The following MYO1H variants were observed in gnomAD, a reference collection of about 807,000 sequenced individuals.
MYO1H encodes myosin IH.
In MYO1H, 118 loss-of-function variants were observed where a neutral mutation model predicts 149.3. The ratio of observed to expected loss-of-function variants is 0.79; its 90% CI spans 0.68 to 0.92. MYO1H has a LOEUF of 0.92. Among genes scored for constraint, MYO1H ranks in the 40% least tolerant of loss-of-function variants. The pLI, the probability that MYO1H is intolerant of heterozygous loss-of-function variation, is 0.00. For missense variants in MYO1H, 1,212 were observed against 1,280.7 expected (o/e 0.95, Z 0.82); for synonymous variants, 447 against 465.2 (o/e 0.96, Z 0.50).
chr12:109,331,399 C>T, the MYO1H span, among the ~76,000 whole-genome samples: 1 of 151,442 alleles, frequency 6.6e-6, no homozygotes, highest in Non-Finnish European at 1.5e-5. Context: ...TGGGGACTTG[C>T]TTCCACTCAA....
At chr12:109,316,175 G>A in the MYO1H span, among the ~76,000 whole-genome samples, 1 of 144,486 alleles carries the variant, frequency 6.9e-6, no homozygotes, top group African/African-American at 2.5e-5. Context: ...TTGGGTGGGT[G>A]GGGGGGAGCT....
intron 1 of MYO1H, among the ~76,000 whole-genome samples, chr12:109,370,861 C>A (rs564598759): frequency 9.2e-5 from 14 of 152,276 alleles, no homozygotes; most frequent in African/African-American, 3.1e-4. Flanking sequence ...AAAAGACTTA[C>A]CCCTGAGAGG....
chr12:109,395,895 GTTTGT>G (rs1869875242), intron 3 of MYO1H, among the ~76,000 whole-genome samples: 1 of 145,814 alleles, frequency 6.9e-6, no homozygotes, highest in Admixed American at 7.3e-5. Flanking sequence ...TTTTTTGTTG[GTTTGT>G]TTTGTTGTTG....
intron 3 of MYO1H, among the ~76,000 whole-genome samples, chr12:109,395,001 G>C (rs966984299): frequency 6.6e-6 from 1 of 152,116 alleles, no homozygotes; most frequent in Non-Finnish European, 1.5e-5. Context: ...GGGCTCAAGC[G>C]ATCTGCCTGC....
intron 27 of MYO1H, among the ~76,000 whole-genome samples, chr12:109,442,488 A>T (rs1872181444): frequency 6.6e-6 from 1 of 152,210 alleles, no homozygotes; most frequent in Non-Finnish European, 1.5e-5. Context: ...CCGTCACCCT[A>T]GAAACTGTCT....
intron 25 of MYO1H, 32 bp downstream of exon 25, chr12:109,440,859 TGGG>T: frequency 8.8e-7 from 1 of 1,135,618 alleles, no homozygotes; most frequent in Non-Finnish European, 1.3e-6. Context: ...TGGCCGGTGG[TGGG>T]GGTGGGTGTA....
At chr12:109,355,997 C>G (rs752921122) in intron 1 of MYO1H, among the ~76,000 whole-genome samples, 2 of 152,010 alleles carry the variant, frequency 1.3e-5, no homozygotes, top group African/African-American at 4.8e-5. Flanking sequence ...GGATTACAGG[C>G]GTGAGCCACC....
At chr12:109,377,961 G>T (rs564534510) in intron 1 of MYO1H, among the ~76,000 whole-genome samples, 1 of 151,994 alleles carries the variant, frequency 6.6e-6, no homozygotes, top group Admixed American at 6.6e-5. Context: ...CATTTCCTCC[G>T]TATTTCAGTA....
intron 16 of MYO1H, among the ~76,000 whole-genome samples, chr12:109,424,514 A>G (rs1047937709): frequency 7.9e-5 from 12 of 152,194 alleles, no homozygotes; most frequent in African/African-American, 2.9e-4. Context: ...ACCAGGGACA[A>G]TGTCGGAGAA....
intron 2 of MYO1H, among the ~76,000 whole-genome samples, chr12:109,392,878 C>T (rs953705848): frequency 1.3e-5 from 2 of 151,528 alleles, no homozygotes; most frequent in East Asian, 2.0e-4. Flanking sequence ...TGGCTGATCT[C>T]GGCTCACTGC....
chr12:109,321,706 A>G, the MYO1H span, among the ~76,000 whole-genome samples: 1 of 152,268 alleles, frequency 6.6e-6, no homozygotes, highest in African/African-American at 2.4e-5. Context: ...TCAAAAAATC[A>G]GATTAATATA....
chr12:109,441,257 A>G (rs1288575350), intron 25 of MYO1H, among the ~76,000 whole-genome samples: 1 of 152,214 alleles, frequency 6.6e-6, no homozygotes, highest in African/African-American at 2.4e-5. Context: ...GTGTGCATGA[A>G]TGGCATGGCT....
rs747073389 is a variant in MYO1H, at chr12:109,442,795, CTTTTTTTTTTTT to C, written c.2688+535_2688+546del. 1.4e-3 allele frequency among the ~76,000 whole-genome samples: 130 copies of C among 94,038 alleles called. 1 individual carries two copies. The highest frequency in any genetic ancestry group is 3.4e-3 in the Admixed American group (31 of 9,030). 61.7% of individuals were successfully genotyped at this position (94,038 alleles called of 152,430 possible). Reference sequence around the variant, plus strand: ...GTGATCGTGTGTGCCAGTGTCTGCTCTTTTTTTTTTTTTTTTTTTTTTTGTTCCCTGGGGAAT... The same window carrying C: ...GTGATCGTGTGTGCCAGTGTCTGCTCTTTTTTTTTTTGTTCCCTGGGGAAT... On this transcript the variant is annotated intron_variant, in intron 27 of 31. Transcript: ENST00000310903.
intron 3 of MYO1H, among the ~76,000 whole-genome samples, chr12:109,394,726 T>C (rs1869817597): frequency 1.3e-5 from 2 of 152,180 alleles, no homozygotes; most frequent in African/African-American, 2.4e-5. Context: ...GACTCAGCTA[T>C]TCCACTTTCT....
At chr12:109,431,745 A>G (rs1037892673) in intron 19 of MYO1H, among the ~76,000 whole-genome samples, 1 of 152,186 alleles carries the variant, frequency 6.6e-6, no homozygotes, top group African/African-American at 2.4e-5. Context: ...AGGGAACTGC[A>G]TGCTGGAATC....
intron 1 of MYO1H, among the ~76,000 whole-genome samples, chr12:109,353,393 C>CAAGAAAAAAAAAAAA (rs1868507584): frequency 1.3e-5 from 1 of 79,298 alleles, no homozygotes; most frequent in African/African-American, 4.7e-5. Flanking sequence ...GACTCCGTCT[C>CAAGAAAAAAAAAAAA]AAAAAAAAAA....
intron 1 of MYO1H, among the ~76,000 whole-genome samples, chr12:109,352,444 G>A (rs1461171871): frequency 6.6e-6 from 1 of 152,052 alleles, no homozygotes; most frequent in African/African-American, 2.4e-5. Flanking sequence ...GGCTATTTGG[G>A]TAGCTACCCA....
At chr12:109,436,914 C>A (rs1402444735) in intron 22 of MYO1H, among the ~76,000 whole-genome samples, 1 of 151,790 alleles carries the variant, frequency 6.6e-6, no homozygotes, top group Non-Finnish European at 1.5e-5. Flanking sequence ...CATGGTGAAA[C>A]CCTGTCTCTA....
chr12:109,403,853 T>G lies in MYO1H; in HGVS notation c.751-129T>G, dbSNP rs1592796182. 5.1e-6 allele frequency: 3 copies of G among 587,494 alleles called. No individual in the cohort carries two copies. In the East Asian group the frequency reaches 8.6e-5, roughly 17 times the overall value. The allele number at this position is 587,494 out of a possible 1,614,324, so 36.4% of individuals were successfully genotyped here. A position where few individuals can be genotyped will look rare whatever the true frequency, so the allele number is the denominator to read the frequency against. On this transcript the variant is annotated intron_variant, in intron 6 of 31. Transcript: ENST00000310903. ...ATCATTACATGCTAGACAATTAGAG[T>G]AAAACCTATTTTTGATTCGCAATTC... is the stretch of plus-strand genomic sequence containing the variant.
Sources: allele counts gnomAD v4.1 joint callset (sites outside exome capture counted in the v4.1 genomes callset), GRCh38; gene constraint gnomAD v4.1.1; transcripts MANE v1.5; gene names NCBI Gene and HGNC (gene_info 2026-07-23, HGNC 2026-07-21).